PDE4D: variants seen among roughly 807,000 people sequenced by gnomAD.
PDE4D encodes the protein phosphodiesterase 4D, also known as 3',5'-cyclic-AMP phosphodiesterase 4D.
Under a neutral mutation model 87.4 loss-of-function variants are expected in PDE4D, and 24 were observed. The observed-to-expected ratio is 0.27, with a 90% CI of 0.20 to 0.39. The LOEUF (loss-of-function observed/expected upper bound fraction) is 0.39, where lower values mean the gene tolerates loss of function less well. Among genes scored for constraint, PDE4D ranks in the 10% least tolerant of loss-of-function variants. PDE4D has a pLI of 1.00. For missense variants in PDE4D, 714 were observed against 1,041.0 expected (o/e 0.69, Z 4.32); for synonymous variants, 384 against 383.2 (o/e 1.00, Z -0.02).
At chr5:60,058,448 C>T (rs893067075) in intron 2 of PDE4D, among the ~76,000 whole-genome samples, 1 of 151,888 alleles carries the variant, frequency 6.6e-6, no homozygotes, top group Non-Finnish European at 1.5e-5. Context: ...TTATAAATTA[C>T]AAAATCTTAC....
chr5:59,817,104 C>T (rs1251115450), intron 1 of PDE4D, among the ~76,000 whole-genome samples: 5 of 152,220 alleles, frequency 3.3e-5, no homozygotes, highest in Non-Finnish European at 7.3e-5. Flanking sequence ...CTTCTGCCCC[C>T]TCCTGGGATG....
At position 59,930,194 on chromosome 5, in the gene PDE4D, C is replaced by G. The variant is rs531718861; in HGVS notation, c.272+58294G>C. 1.1e-4 allele frequency among the ~76,000 whole-genome samples: 17 copies of G among 150,538 alleles called. No individual in the cohort carries two copies. The South Asian group carries it at 3.6e-3, about 32-fold the overall frequency. On this transcript the variant is annotated intron_variant, in intron 3 of 16. Coordinates refer to the PDE4D transcript ENST00000502484. ...AAAAAAAAAAAAAAAAAACCGGCCC[C>G]ATAACATATATGTCCATCTGGAACC...
rs145372847 is a variant in PDE4D, at chr5:59,694,941, T to C, written c.455+198227A>G. Among the ~76,000 whole-genome samples, 1,190 of 152,286 alleles carry C rather than the reference T, an allele frequency of 7.8e-3. 12 individuals carry two copies. Among genetic ancestry groups the C allele is most frequent in the Non-Finnish European group, 0.012 (795 of 68,030 alleles). On this transcript the variant is annotated intron_variant, in intron 1 of 14. Transcript: ENST00000340635. ...CATTAATTCACACAGTAACTACTCA[T>C]AGGTCAGCTCTCCACCAAGGAGGCA...
intron 2 of PDE4D, among the ~76,000 whole-genome samples, chr5:60,184,787 T>C (rs1784645182): frequency 6.6e-6 from 1 of 152,226 alleles, no homozygotes; most frequent in Non-Finnish European, 1.5e-5. Context: ...TTGTGGTTTT[T>C]CTGATGCCTT....
In PDE4D at chr5:59,885,728, GT is replaced by G. The variant is rs35486582; in HGVS notation, c.455+7439del. Among the ~76,000 whole-genome samples the G allele has an allele frequency of 8.0e-5, 12 of 150,860 alleles. No homozygotes were observed. The South Asian group carries it at 2.3e-3, about 29-fold the overall frequency. ...AGAGTTATTTTCACTCTTACATGTTGTTTTTTTTTCATAAGTTAGATCAAAA... is the reference window on the plus strand; with the variant it reads ...AGAGTTATTTTCACTCTTACATGTTGTTTTTTTTCATAAGTTAGATCAAAA... On this transcript the variant is annotated intron_variant, in intron 1 of 14. Transcript: ENST00000340635.
intron 2 of PDE4D, among the ~76,000 whole-genome samples, chr5:59,989,141 T>A (rs1762762005): frequency 7.1e-6 from 1 of 141,172 alleles, no homozygotes; most frequent in African/African-American, 2.6e-5. Flanking sequence ...CAGTTATGCA[T>A]CACTTGATAA....
chr5:60,450,050 TAA>T (rs58034946), intron 1 of PDE4D, among the ~76,000 whole-genome samples: 14 of 136,070 alleles, frequency 1.0e-4, no homozygotes, highest in Non-Finnish European at 9.6e-5. Flanking sequence ...TTTTTTTCAG[TAA>T]AAAAAAAAAA....
chr5:59,604,607 A>T (rs1037623537), intron 1 of PDE4D, among the ~76,000 whole-genome samples: 4 of 152,082 alleles, frequency 2.6e-5, no homozygotes, highest in African/African-American at 7.2e-5. Flanking sequence ...AAAATGGGAC[A>T]TGGATGCAAA....
intron 1 of PDE4D, among the ~76,000 whole-genome samples, chr5:60,240,608 A>G (rs892434950): frequency 6.6e-6 from 1 of 152,014 alleles, no homozygotes; most frequent in African/African-American, 2.4e-5. Flanking sequence ...TTCAAGTCTG[A>G]CCCAACGCAG....
intron 1 of PDE4D, among the ~76,000 whole-genome samples, chr5:60,427,988 A>G (rs932016241): frequency 3.9e-5 from 6 of 152,212 alleles, no homozygotes; most frequent in Non-Finnish European, 8.8e-5. Flanking sequence ...AGGCAGGAGG[A>G]CTGCTTGAGC....
chr5:59,236,662 C>A (rs771040103), intron 1 of PDE4D, among the ~76,000 whole-genome samples: 1 of 152,102 alleles, frequency 6.6e-6, no homozygotes, highest in Non-Finnish European at 1.5e-5. Flanking sequence ...AAGCTGTCGT[C>A]ACCAGGCTAT....
intron 1 of PDE4D, among the ~76,000 whole-genome samples, chr5:59,410,914 C>T (rs1311086377): frequency 6.6e-6 from 1 of 152,164 alleles, no homozygotes; most frequent in African/African-American, 2.4e-5. Flanking sequence ...CCAGGTGCTA[C>T]TAGAGAAGTC....
chr5:60,010,910 A>C (rs1488612869), intron 2 of PDE4D, among the ~76,000 whole-genome samples: 1 of 152,186 alleles, frequency 6.6e-6, no homozygotes, highest in African/African-American at 2.4e-5. Context: ...CACTTACATC[A>C]ACAACAGTAA....
intron 1 of PDE4D, among the ~76,000 whole-genome samples, chr5:59,744,519 T>G (rs1759322332): frequency 6.6e-6 from 1 of 152,168 alleles, no homozygotes; most frequent in Non-Finnish European, 1.5e-5. Flanking sequence ...CTGACTTTGA[T>G]GTATCTAAAC....
rs148423980 is a variant in PDE4D at position 59,337,724 on chromosome 5, G to A, written c.456-121756C>T. ...TTGCAGAGTTTGATGCCTCTCCTGG[G>A]TGAACTCAATAGGACCAGAACACAG... On this transcript the variant is annotated intron_variant, in intron 1 of 14. Transcript: ENST00000340635. Among the ~76,000 whole-genome samples, 30 of 152,244 alleles carry A rather than the reference G, an allele frequency of 2.0e-4. 2 individuals are homozygous for A. The East Asian group carries it at 4.4e-3, about 23-fold the overall frequency.
intron 5 of PDE4D, among the ~76,000 whole-genome samples, chr5:59,177,581 T>C (rs760320229): frequency 6.6e-6 from 1 of 152,144 alleles, no homozygotes; most frequent in Non-Finnish European, 1.5e-5. Context: ...GTATGCAACC[T>C]GCCCAGGGCC....
At chr5:59,513,681 G>T (rs1011723849) in intron 1 of PDE4D, among the ~76,000 whole-genome samples, 3 of 152,136 alleles carry the variant, frequency 2.0e-5, no homozygotes, top group African/African-American at 7.2e-5. Context: ...GTCTTACATT[G>T]AAAGGCAGTA....
chr5:59,290,340 A>G (rs1767777881), intron 1 of PDE4D, among the ~76,000 whole-genome samples: 1 of 152,074 alleles, frequency 6.6e-6, no homozygotes, highest in Non-Finnish European at 1.5e-5. Context: ...CAGTCTCCTT[A>G]ATAAATGGTG....
chr5:59,053,042 T>A (rs1761777154), intron 5 of PDE4D, among the ~76,000 whole-genome samples: 4 of 152,104 alleles, frequency 2.6e-5, no homozygotes, highest in Admixed American at 2.6e-4. Flanking sequence ...GTACAAGGAC[T>A]CTTGTACCTC....
Sources: gnomAD v4.1 joint callset for allele counts (sites outside exome capture counted in the v4.1 genomes callset) on GRCh38, gnomAD v4.1.1 for gene constraint, MANE v1.5 for transcripts, NCBI Gene and HGNC (gene_info 2026-07-23, HGNC 2026-07-21) for gene names.